Variants in CCBE1 observed in about 807,000 individuals in gnomAD.
CCBE1 encodes collagen and calcium binding EGF domains 1.
A neutral mutation model predicts 50.0 loss-of-function variants in CCBE1; 37 were observed. The observed-to-expected ratio is 0.74, with a 90% CI of 0.57 to 0.97. The LOEUF is 0.97. CCBE1 is among the 50% of genes least tolerant of loss of function. CCBE1 has a pLI of 0.00. For synonymous variants in CCBE1, 234 were observed against 203.7 expected (o/e 1.15, Z -1.27); for missense variants, 538 against 523.8 (o/e 1.03, Z -0.26).
chr18:59,604,889 G>A (rs1054093192), intron 2 of CCBE1, among the ~76,000 whole-genome samples: 1 of 152,218 alleles, frequency 6.6e-6, no homozygotes, highest in Non-Finnish European at 1.5e-5. Context: ...TGCTTGATAG[G>A]TAGGGTCAAA....
intron 2 of CCBE1, among the ~76,000 whole-genome samples, chr18:59,505,058 T>C (rs1265441499): frequency 6.6e-6 from 1 of 152,168 alleles, no homozygotes; most frequent in Non-Finnish European, 1.5e-5. Flanking sequence ...TACTGCAAAG[T>C]GAGGGAGTTA....
chr18:59,605,154 T>C (rs1192059579), intron 2 of CCBE1, among the ~76,000 whole-genome samples: 1 of 152,048 alleles, frequency 6.6e-6, no homozygotes. Flanking sequence ...CAGAGGCTGC[T>C]CCCCCTAGGA....
intron 2 of CCBE1, among the ~76,000 whole-genome samples, chr18:59,694,784 A>C (rs2054782946): frequency 6.6e-6 from 1 of 152,368 alleles, no homozygotes; most frequent in East Asian, 1.9e-4. Context: ...AGAACTCTCG[A>C]CTTCCATAGA....
intron 2 of CCBE1, among the ~76,000 whole-genome samples, chr18:59,492,119 T>C (rs917933813): frequency 1.7e-5 from 2 of 116,400 alleles, no homozygotes; most frequent in African/African-American, 7.0e-5. Flanking sequence ...CACTCCAGCC[T>C]GGGCAACAGA....
intron 2 of CCBE1, among the ~76,000 whole-genome samples, chr18:59,574,373 TCTTA>T (rs1418045029): frequency 2.6e-5 from 4 of 152,320 alleles, no homozygotes; most frequent in African/African-American, 7.2e-5. Flanking sequence ...CCATAAAACA[TCTTA>T]CTTAATAAGC....
chr18:59,651,676 G>T (rs968652799), intron 2 of CCBE1, among the ~76,000 whole-genome samples: 3 of 152,224 alleles, frequency 2.0e-5, no homozygotes, highest in African/African-American at 7.2e-5. Context: ...GACCGTCAGA[G>T]AAAAGGACAT....
intron 2 of CCBE1, among the ~76,000 whole-genome samples, chr18:59,533,856 T>C (rs1228703100): frequency 6.6e-6 from 1 of 152,242 alleles, no homozygotes; most frequent in Non-Finnish European, 1.5e-5. Flanking sequence ...AATTTATATA[T>C]TCATATGTAT....
At chr18:59,659,161 C>T (rs975835325) in intron 2 of CCBE1, among the ~76,000 whole-genome samples, 3 of 152,112 alleles carry the variant, frequency 2.0e-5, no homozygotes, top group African/African-American at 7.2e-5. Flanking sequence ...AGTACTCTGA[C>T]CTCCTTGGAG....
intron 2 of CCBE1, chr18:59,563,658 G>A (rs1169587959): frequency 6.6e-6 from 1 of 152,196 alleles, no homozygotes; most frequent in Non-Finnish European, 1.5e-5. Context: ...TTTGTTGAAT[G>A]CCTACTAGCA....
intron 2 of CCBE1, among the ~76,000 whole-genome samples, chr18:59,508,701 T>C (rs570564007): frequency 3.2e-4 from 48 of 148,276 alleles, no homozygotes; most frequent in Non-Finnish European, 5.6e-4. Flanking sequence ...AGTACACACA[T>C]AGAGTTACGC....
Position 59,448,044 on chromosome 18 carries a change from C to T in CCBE1, c.714G>A (p.Val238=). The T allele has an allele frequency of 1.2e-6, 2 of 1,614,158 alleles. No individual in the cohort carries two copies. Among genetic ancestry groups the T allele is most frequent in the Non-Finnish European group, 8.5e-7 (1 of 1,180,042 alleles). Residue 238 remains valine (V), a synonymous_variant, in exon 7 of 11, where the codon GTG becomes GTA. Transcript: ENST00000439986. ...DLGKYITGDK[V]LASNTYLPGP... Reference sequence around the variant, plus strand: ...CTGGAAGGTAGGTGTTTGAGGCCAGCACCTTGTCACCAGTGATATACTTGC... The same window carrying T: ...CTGGAAGGTAGGTGTTTGAGGCCAGTACCTTGTCACCAGTGATATACTTGC...
intron 2 of CCBE1, among the ~76,000 whole-genome samples, chr18:59,683,264 G>A (rs896866077): frequency 2.0e-5 from 3 of 152,194 alleles, no homozygotes; most frequent in Non-Finnish European, 2.9e-5. Flanking sequence ...TCACCTCAAT[G>A]ACACACACAG....
chr18:59,472,679 T>C (rs1162657145), intron 3 of CCBE1, among the ~76,000 whole-genome samples: 1 of 152,194 alleles, frequency 6.6e-6, no homozygotes, highest in Non-Finnish European at 1.5e-5. Flanking sequence ...ACCATGAACC[T>C]AGGGATGCCC....
intron 2 of CCBE1, among the ~76,000 whole-genome samples, chr18:59,536,731 T>C (rs1416868457): frequency 6.6e-6 from 1 of 152,128 alleles, no homozygotes; most frequent in Non-Finnish European, 1.5e-5. Context: ...GGCTGACATC[T>C]GTAATCTCTG....
chr18:59,510,371 G>C (rs1330948244), intron 2 of CCBE1, among the ~76,000 whole-genome samples: 3 of 152,102 alleles, frequency 2.0e-5, no homozygotes, highest in African/African-American at 7.2e-5. Flanking sequence ...ATTATCAATT[G>C]TAAGATGCAC....
chr18:59,637,985 T>A (rs2053935875), intron 2 of CCBE1, among the ~76,000 whole-genome samples: 1 of 152,210 alleles, frequency 6.6e-6, no homozygotes, highest in African/African-American at 2.4e-5. Context: ...TAACTAGCTT[T>A]GAGGTTGGCA....
At chr18:59,645,799 A>G (rs2054047596) in intron 2 of CCBE1, among the ~76,000 whole-genome samples, 1 of 152,228 alleles carries the variant, frequency 6.6e-6, no homozygotes, top group African/African-American at 2.4e-5. Context: ...TGGGAGGCCA[A>G]GGTGGGCGGA....
At chr18:59,610,949 T>C (rs77233356) in intron 2 of CCBE1, among the ~76,000 whole-genome samples, 1,612 of 152,364 alleles carry the variant, frequency 0.011, 28 homozygotes, top group African/African-American at 0.036. Flanking sequence ...AACAGTCAAC[T>C]GAGATGCCCC....
At position 59,683,863 on chromosome 18, in the gene CCBE1, G is replaced by T. The variant is rs555719578; in HGVS notation, c.212+12766C>A. On this transcript the variant is annotated intron_variant, in intron 2 of 10. Transcript: ENST00000439986. ...GGAGCATCCCAGTCAGTACACATGAGCTCCCACCTCACCCCCTACATCAGT... is the reference window on the plus strand; with the variant it reads ...GGAGCATCCCAGTCAGTACACATGATCTCCCACCTCACCCCCTACATCAGT... 5.9e-5 allele frequency among the ~76,000 whole-genome samples: 9 copies of T among 151,996 alleles called. No individual in the cohort carries two copies. In the East Asian group the frequency reaches 7.8e-4, roughly 13 times the overall value.
Sources: gnomAD v4.1 joint callset for allele counts (sites outside exome capture counted in the v4.1 genomes callset) on GRCh38, gnomAD v4.1.1 for gene constraint, MANE v1.5 for transcripts, NCBI Gene and HGNC (gene_info 2026-07-23, HGNC 2026-07-21) for gene names.